PAX5: variants seen among roughly 807,000 people sequenced by gnomAD.
PAX5 encodes paired box 5.
A neutral mutation model predicts 43.7 loss-of-function variants in PAX5; 9 were observed. The ratio of observed to expected loss-of-function variants is 0.21; its 90% CI spans 0.12 to 0.36. PAX5 has a LOEUF of 0.36. PAX5 is among the 10% of genes least tolerant of loss of function. PAX5 has a pLI of 1.00. For missense variants in PAX5, 383 were observed against 532.7 expected, an observed-to-expected ratio of 0.72 and a Z score of 2.77; for synonymous variants, 228 against 214.3, an observed-to-expected ratio of 1.06 and a Z score of -0.56.
At chr9:36,872,439 G>A (rs1329154661) in intron 8 of PAX5, among the ~76,000 whole-genome samples, 1 of 152,102 alleles carries the variant, frequency 6.6e-6, no homozygotes, top group African/African-American at 2.4e-5. Flanking sequence ...CCCCTGGGGT[G>A]CATTCAGCCC....
intron 5 of PAX5, among the ~76,000 whole-genome samples, chr9:36,967,145 T>C (rs1205828831): frequency 1.3e-5 from 2 of 152,066 alleles, no homozygotes; most frequent in Non-Finnish European, 2.9e-5. Context: ...GGAGGTACAG[T>C]TTTTCCCAGA....
intron 7 of PAX5, among the ~76,000 whole-genome samples, chr9:36,886,420 G>C (rs962894393): frequency 1.3e-5 from 2 of 152,182 alleles, no homozygotes; most frequent in African/African-American, 4.8e-5. Flanking sequence ...GATCTGCTCT[G>C]AGGCCCATCA....
intron 7 of PAX5, among the ~76,000 whole-genome samples, chr9:36,909,553 G>C (rs907128656): frequency 6.6e-6 from 1 of 152,196 alleles, no homozygotes. Flanking sequence ...AGGGGTTTCT[G>C]TTGGGCAGGA....
At chr9:36,923,211 C>T in intron 7 of PAX5, 144 bp downstream of exon 7, 1 of 956,254 alleles carries the variant, frequency 1.0e-6, no homozygotes, top group Non-Finnish European at 1.6e-6. Context: ...GCCCCAGCAC[C>T]TGACCTGTTC....
At chr9:36,996,086 T>C (rs1837370114) in intron 5 of PAX5, among the ~76,000 whole-genome samples, 1 of 152,202 alleles carries the variant, frequency 6.6e-6, no homozygotes, top group African/African-American at 2.4e-5. Context: ...TACTATGGAA[T>C]CGCTCCGTGG....
chr9:36,888,102 C>T (rs4588949), intron 7 of PAX5, among the ~76,000 whole-genome samples: 124,373 of 151,980 alleles, frequency 0.82, 52,030 homozygotes, highest in Non-Finnish European at 0.91. Flanking sequence ...CTGGGAAGGT[C>T]ACAGTCAAAA....
At chr9:36,934,892 G>T (rs1217047844) in intron 6 of PAX5, among the ~76,000 whole-genome samples, 1 of 152,212 alleles carries the variant, frequency 6.6e-6, no homozygotes, top group Non-Finnish European at 1.5e-5. Flanking sequence ...TGACATAAAT[G>T]CCTGTGGAAT....
At chr9:36,918,505 A>G (rs1829886566) in intron 7 of PAX5, among the ~76,000 whole-genome samples, 1 of 152,130 alleles carries the variant, frequency 6.6e-6, no homozygotes, top group Non-Finnish European at 1.5e-5. Context: ...TCTACAAAAA[A>G]TTTAAAAATT....
chr9:36,913,509 C>T (rs1829474827), intron 7 of PAX5, among the ~76,000 whole-genome samples: 1 of 152,184 alleles, frequency 6.6e-6, no homozygotes, highest in African/African-American at 2.4e-5. Context: ...CACAGTGGCT[C>T]CCCCATCAGC....
chr9:37,034,103 T>TC lies in PAX5; in HGVS notation c.-73_-72insG, dbSNP rs1564102814. ...TTTTTTGTGCCTTTTTTTTTCTTTT[T>TC]TTTTTTTTTTTTTTTTTTTTTTTGG... is the stretch of plus-strand genomic sequence containing the variant. On this transcript the variant is annotated 5_prime_UTR_variant, in exon 1 of 10. Coordinates refer to ENST00000358127, the MANE Select transcript of PAX5 (RefSeq NM_016734.3). 7 of 528,426 alleles carry TC rather than the reference T, an allele frequency of 1.3e-5. No homozygotes were observed. Among genetic ancestry groups the TC allele is most frequent in the Non-Finnish European group, 1.8e-5 (6 of 328,428 alleles). 32.7% of individuals were successfully genotyped at this position (528,426 alleles called of 1,614,324 possible).
At chr9:36,859,326 G>A (rs576270840) in intron 8 of PAX5, among the ~76,000 whole-genome samples, 13 of 152,238 alleles carry the variant, frequency 8.5e-5, no homozygotes, top group East Asian at 3.9e-4. Flanking sequence ...AAGCCGGGCC[G>A]GGCTGAAGTA....
chr9:36,997,024 A>G (rs1356421818), intron 5 of PAX5, among the ~76,000 whole-genome samples: 1 of 152,210 alleles, frequency 6.6e-6, no homozygotes, highest in East Asian at 1.9e-4. Flanking sequence ...ATAACACAGA[A>G]TGAGATGCAC....
chr9:36,985,523 T>G (rs1836317809), intron 5 of PAX5, among the ~76,000 whole-genome samples: 1 of 152,148 alleles, frequency 6.6e-6, no homozygotes, highest in Admixed American at 6.5e-5. Context: ...TGAGGGCGTC[T>G]GGGACGAATG....
chr9:36,902,309 G>A (rs1828474237), intron 7 of PAX5, among the ~76,000 whole-genome samples: 1 of 152,226 alleles, frequency 6.6e-6, no homozygotes, highest in Non-Finnish European at 1.5e-5. Context: ...AGCTTTGGCA[G>A]TGAAAGTCAT....
At chr9:36,859,848 C>T (rs7043255) in intron 8 of PAX5, among the ~76,000 whole-genome samples, 1 of 151,898 alleles carries the variant, frequency 6.6e-6, no homozygotes, top group Non-Finnish European at 1.5e-5. Flanking sequence ...TCCTGGCTAA[C>T]ACGGTGAAAC....
intron 3 of PAX5, among the ~76,000 whole-genome samples, chr9:37,013,631 A>T (rs1839152855): frequency 6.6e-6 from 1 of 152,074 alleles, no homozygotes; most frequent in Admixed American, 6.5e-5. Flanking sequence ...CCCAAAACCT[A>T]CCATCATCAT....
chr9:36,995,750 G>T (rs532512999), intron 5 of PAX5, among the ~76,000 whole-genome samples: 1 of 152,038 alleles, frequency 6.6e-6, no homozygotes, highest in African/African-American at 2.4e-5. Context: ...GCTCTCCAAG[G>T]CCCTTCCAGC....
chr9:36,921,118 T>C (rs1270152565), intron 7 of PAX5, among the ~76,000 whole-genome samples: 1 of 152,114 alleles, frequency 6.6e-6, no homozygotes, highest in Admixed American at 6.5e-5. Context: ...CAGCCAGACA[T>C]AGCTTTTATA....
rs575256223 is a variant in PAX5 at position 37,001,010 on chromosome 9, G to A, written c.604+1638C>T. On this transcript the variant is annotated intron_variant, in intron 5 of 9. Coordinates refer to ENST00000358127, the MANE Select transcript of PAX5 (RefSeq NM_016734.3). The stretch of plus-strand genomic sequence containing the variant: ...CCAGGACACAATCCCATTTGTCACC[G>A]TCCCTCTTAAAGGTCAATACCCCCA... 8.5e-5 allele frequency among the ~76,000 whole-genome samples: 13 copies of A among 152,266 alleles called. No homozygotes were observed. The South Asian group carries it at 1.0e-3, about 12-fold the overall frequency.
Sources: gnomAD v4.1 joint callset for allele counts (sites outside exome capture counted in the v4.1 genomes callset) on GRCh38, gnomAD v4.1.1 for gene constraint, MANE v1.5 for transcripts, NCBI Gene and HGNC (gene_info 2026-07-23, HGNC 2026-07-21) for gene names.